CECR2: variants seen among roughly 807,000 people sequenced by gnomAD.
The protein encoded by CECR2 is chromatin remodeling regulator CECR2.
CECR2 carries 30 observed loss-of-function variants against 154.5 expected under a neutral mutation model. The observed-to-expected ratio is 0.19, with a 90% confidence interval of 0.15 to 0.26. The LOEUF (loss-of-function observed/expected upper bound fraction) is 0.26, where lower values mean the gene tolerates loss of function less well. Ranked by LOEUF, CECR2 falls within the 10% of genes least tolerant of loss-of-function variation. CECR2 has a pLI of 1.00. For synonymous variants in CECR2, 725 were observed against 683.7 expected (o/e 1.06, Z -0.94); for missense variants, 1,743 against 1,829.3 (o/e 0.95, Z 0.86).
chr22:17,552,917 G>A lies in CECR2; in HGVS notation c.*77G>A. ...AATGTGGAGAACTGGGGAGTGCCCT[G>A]TCAGCTCTATTCCCATCACCTGCTC... On this transcript the variant is annotated 3_prime_UTR_variant, in exon 19 of 19. Transcript: ENST00000262608. 6.5e-7 allele frequency: 1 copy of A among 1,535,644 alleles called. No homozygotes were observed. Among genetic ancestry groups the A allele is most frequent in the African/African-American group, 1.4e-5 (1 of 71,766 alleles).
chr22:17,370,283 T>G (rs1212438654), intron 1 of CECR2, among the ~76,000 whole-genome samples: 1 of 130,242 alleles, frequency 7.7e-6, no homozygotes, highest in Non-Finnish European at 1.6e-5. Context: ...CCGGTGCCAT[T>G]GAGGCGCGAG....
At chr22:17,433,547 G>A (rs1021902148) in intron 1 of CECR2, among the ~76,000 whole-genome samples, 2 of 152,162 alleles carry the variant, frequency 1.3e-5, no homozygotes, top group Non-Finnish European at 2.9e-5. Flanking sequence ...CTGGGCTCAA[G>A]TAGTCCTCCC....
intron 7 of CECR2, among the ~76,000 whole-genome samples, chr22:17,510,807 A>G (rs1209619096): frequency 2.0e-5 from 3 of 152,068 alleles, no homozygotes; most frequent in Admixed American, 1.3e-4. Flanking sequence ...GGGTTTCACC[A>G]TGTTGGTCAG....
intron 1 of CECR2, among the ~76,000 whole-genome samples, chr22:17,385,449 G>A (rs979381675): frequency 3.3e-5 from 5 of 152,172 alleles, no homozygotes; most frequent in African/African-American, 1.2e-4. Context: ...TGGGAATAGG[G>A]AAGCCCAAGG....
chr22:17,371,050 C>T (rs1160737213), intron 1 of CECR2, among the ~76,000 whole-genome samples: 2 of 152,106 alleles, frequency 1.3e-5, no homozygotes, highest in South Asian at 2.1e-4. Context: ...CTCCCCAGCC[C>T]CACGGATCTT....
intron 2 of CECR2, among the ~76,000 whole-genome samples, chr22:17,480,181 C>CT (rs2055282814): frequency 6.6e-6 from 1 of 151,924 alleles, no homozygotes; most frequent in Admixed American, 6.6e-5. Context: ...GGATTATTAT[C>CT]TATCTCTTTT....
intron 1 of CECR2, among the ~76,000 whole-genome samples, chr22:17,434,126 C>A (rs2054467597): frequency 6.7e-6 from 1 of 148,646 alleles, no homozygotes. Flanking sequence ...TGTCAGGCCA[C>A]TTTTTCTGTC....
chr22:17,503,742 T>C (rs778398480), intron 6 of CECR2, among the ~76,000 whole-genome samples: 11 of 152,130 alleles, frequency 7.2e-5, no homozygotes, highest in Non-Finnish European at 1.2e-4. Context: ...GAAGTATACA[T>C]TGTCAACTTT....
intron 8 of CECR2, among the ~76,000 whole-genome samples, chr22:17,519,991 A>G (rs528012029): frequency 1.3e-5 from 2 of 151,938 alleles, no homozygotes; most frequent in South Asian, 2.1e-4. Context: ...GAGTTTCACC[A>G]TGTTTACCAG....
At chr22:17,487,714 AC>A (rs1846810426) in intron 2 of CECR2, among the ~76,000 whole-genome samples, 1 of 151,978 alleles carries the variant, frequency 6.6e-6, no homozygotes, top group Non-Finnish European at 1.5e-5. Flanking sequence ...GATAATACTT[AC>A]TGCTAAAATG....
intron 1 of CECR2, among the ~76,000 whole-genome samples, chr22:17,406,106 A>ATTTAACCCACTTTAGTTAG (rs1253972540): frequency 6.6e-6 from 1 of 152,262 alleles, no homozygotes; most frequent in Non-Finnish European, 1.5e-5. Flanking sequence ...ATGATATCTA[A>ATTTAACCCACTTTAGTTAG]TTTAACCCAC....
At position 17,551,912 on chromosome 22, in the gene CECR2, G is replaced by T. The variant is rs1004179192; in HGVS notation, c.4278-119G>T. 4.4e-6 allele frequency: 4 copies of T among 918,010 alleles called. No homozygotes were observed. The South Asian group carries it at 4.7e-5, about 11-fold the overall frequency. 56.9% of individuals were successfully genotyped at this position (918,010 alleles called of 1,614,324 possible). A position where few individuals can be genotyped will look rare whatever the true frequency, so the allele number is the denominator to read the frequency against. On this transcript the variant is annotated intron_variant, in intron 17 of 18. Transcript: ENST00000262608. ...AATGTCGAGTTGTCCCAGTATGGAT[G>T]ATTCCAGGCCTGATCACCGGGGTGA...
intron 1 of CECR2, among the ~76,000 whole-genome samples, chr22:17,417,576 G>A (rs2054175235): frequency 6.6e-6 from 1 of 152,082 alleles, no homozygotes; most frequent in Non-Finnish European, 1.5e-5. Flanking sequence ...GAGCAGCTGG[G>A]ACTATAGGCA....
rs1399914820 is a variant in CECR2 at position 17,418,063 on chromosome 22, G to C, written c.126+48154G>C. On this transcript the variant is annotated intron_variant, in intron 1 of 18. Coordinates refer to ENST00000262608, the MANE Select transcript of CECR2 (RefSeq NM_001290047.2). ...TTACACAGATTGTAAGTATACAGTT[G>C]AGTTTTGACAGCTGTATACAAGTGT... Among the ~76,000 whole-genome samples, 3 of 152,032 alleles carry C rather than the reference G, an allele frequency of 2.0e-5. No individual in the cohort carries two copies. In the East Asian group the frequency reaches 5.8e-4, roughly 29 times the overall value.
At chr22:17,405,666 A>ATTT (rs1179597381) in intron 1 of CECR2, among the ~76,000 whole-genome samples, 2,063 of 128,454 alleles carry the variant, frequency 0.016, 135 homozygotes, top group African/African-American at 0.053. Flanking sequence ...AAAAAAAAAA[A>ATTT]TTTTCAATTG....
intron 1 of CECR2, among the ~76,000 whole-genome samples, chr22:17,377,183 C>A (rs139411506): frequency 1.3e-5 from 2 of 152,320 alleles, no homozygotes; most frequent in African/African-American, 2.4e-5. Context: ...CCACATCTTA[C>A]AAATTAATTA....
chr22:17,498,476 T>C (rs1008580187), intron 3 of CECR2, among the ~76,000 whole-genome samples: 3 of 152,116 alleles, frequency 2.0e-5, no homozygotes, highest in Non-Finnish European at 4.4e-5. Flanking sequence ...TCCTGTTCCA[T>C]CATCAGTGAT....
intron 1 of CECR2, among the ~76,000 whole-genome samples, chr22:17,381,474 G>A (rs1272104332): frequency 5.3e-5 from 8 of 152,072 alleles, no homozygotes; most frequent in Non-Finnish European, 7.4e-5. Flanking sequence ...GATTTTCATC[G>A]CTTTCAGCAA....
chr22:17,497,076 G>A (rs2055643109), intron 2 of CECR2, among the ~76,000 whole-genome samples: 1 of 152,144 alleles, frequency 6.6e-6, no homozygotes, highest in African/African-American at 2.4e-5. Flanking sequence ...GGCGGATCGT[G>A]TGAGCCTGGG....
Sources: allele counts gnomAD v4.1 joint callset (sites outside exome capture counted in the v4.1 genomes callset), GRCh38; gene constraint gnomAD v4.1.1; transcripts MANE v1.5; gene names NCBI Gene and HGNC (gene_info 2026-07-23, HGNC 2026-07-21).